The following HACL2 variants were observed in gnomAD, a reference collection of about 807,000 sequenced individuals.
HACL2 encodes the protein 2-hydroxyacyl-CoA lyase 1 like.
chr19:15,121,188 G>A, the HACL2 span, among the ~76,000 whole-genome samples: 12 of 152,354 alleles, frequency 7.9e-5, no homozygotes, highest in East Asian at 7.7e-4. Flanking sequence ...GAACCCGGGA[G>A]GTGGAGGTTG....
chr19:15,119,432 A>T, the HACL2 span: 21 of 1,614,050 alleles, frequency 1.3e-5, no homozygotes, highest in African/African-American at 2.8e-4. Flanking sequence ...GCTTGTCGGC[A>T]GACGTTGGGG....
the HACL2 span, among the ~76,000 whole-genome samples, chr19:15,120,444 C>T: frequency 6.6e-6 from 1 of 152,218 alleles, no homozygotes; most frequent in African/African-American, 2.4e-5. Flanking sequence ...GCTTCCACCT[C>T]TGTCAATGTA....
chr19:15,125,513 C>G, the HACL2 span: 1 of 171,366 alleles, frequency 5.8e-6, no homozygotes, highest in Non-Finnish European at 1.3e-5. Context: ...TTAGCGGGCG[C>G]GACCCTCCAC....
the HACL2 span, chr19:15,117,861 G>A: frequency 1.7e-5 from 28 of 1,613,244 alleles, no homozygotes; most frequent in Non-Finnish European, 2.4e-5. Context: ...ATATGTGTAC[G>A]GGGGGATTAA....
the HACL2 span, chr19:15,117,734 C>A: frequency 1.3e-6 from 1 of 758,764 alleles, no homozygotes. Context: ...GTTTGAGAGC[C>A]AACTATTTGT....
At chr19:15,116,892 G>C in the HACL2 span, 6 of 249,430 alleles carry the variant, frequency 2.4e-5, no homozygotes, top group Non-Finnish European at 3.9e-5. Context: ...CACAGCGAAC[G>C]TTACTGAAGT....
the HACL2 span, among the ~76,000 whole-genome samples, chr19:15,118,551 C>T: frequency 6.6e-6 from 1 of 152,160 alleles, no homozygotes; most frequent in Non-Finnish European, 1.5e-5. Flanking sequence ...ATTGCAAGAC[C>T]TCTGAGTGAA....
At chr19:15,117,909 G>T in the HACL2 span, 1 of 1,614,110 alleles carries the variant, frequency 6.2e-7, no homozygotes, top group Non-Finnish European at 8.5e-7. Context: ...GCTTCCAGAA[G>T]ATGTCTGAGT....
chr19:15,115,220 G>A, the HACL2 span: 4 of 1,613,030 alleles, frequency 2.5e-6, no homozygotes, highest in African/African-American at 5.3e-5. Flanking sequence ...CCAGGGGCAG[G>A]AAGGCAGCCA....
At chr19:15,120,182 A>T in the HACL2 span, 1 of 736,866 alleles carries the variant, frequency 1.4e-6, no homozygotes, top group Admixed American at 2.3e-5. Context: ...AGCCAGGAGC[A>T]AAGTGGCATG....
the HACL2 span, chr19:15,119,031 C>T: frequency 2.0e-6 from 2 of 1,003,792 alleles, no homozygotes; most frequent in Non-Finnish European, 2.8e-6. Flanking sequence ...TGGTTGGGTT[C>T]AAAGCGCTTT....
the HACL2 span, chr19:15,125,142 C>A: frequency 7.2e-7 from 1 of 1,387,098 alleles, no homozygotes; most frequent in South Asian, 1.5e-5. Context: ...CGCCCCTTCT[C>A]GCAGCAGGAT....
chr19:15,115,363 C>G, the HACL2 span: 1 of 1,614,162 alleles, frequency 6.2e-7, no homozygotes, highest in South Asian at 1.1e-5. Flanking sequence ...CCTTGACCAC[C>G]TGATCCTCGT....
the HACL2 span, chr19:15,123,522 C>A: frequency 5.0e-6 from 8 of 1,614,044 alleles, no homozygotes; most frequent in Non-Finnish European, 3.4e-6. This position sits in a 1 kb window ranked among gnomAD's most constrained non-coding sequence, Gnocchi z 5.1. Context: ...ACACCATGGG[C>A]CCTCAGCACA....
chr19:15,119,841 G>A, the HACL2 span: 22 of 624,554 alleles, frequency 3.5e-5, no homozygotes, highest in South Asian at 1.1e-4. Flanking sequence ...GTGAGCCACC[G>A]CGTCCAGCCA....
the HACL2 span, among the ~76,000 whole-genome samples, chr19:15,122,230 T>A: frequency 1.3e-5 from 2 of 152,098 alleles, no homozygotes; most frequent in African/African-American, 4.8e-5. The surrounding 1 kb of genome is among the most constrained non-coding windows in gnomAD (Gnocchi z 4.0). Flanking sequence ...CTTAGCTGTG[T>A]GACTTTGGGC....
the HACL2 span, among the ~76,000 whole-genome samples, chr19:15,122,455 G>A: frequency 1.3e-5 from 2 of 151,920 alleles, no homozygotes; most frequent in African/African-American, 4.8e-5. This position sits in a 1 kb window ranked among gnomAD's most constrained non-coding sequence, Gnocchi z 4.0. Context: ...AGGAGGAGGA[G>A]GGCTGTCCTG....
the HACL2 span, among the ~76,000 whole-genome samples, chr19:15,121,688 A>T: frequency 6.6e-6 from 1 of 150,706 alleles, no homozygotes; most frequent in Non-Finnish European, 1.5e-5. Flanking sequence ...GGGCGCCTGT[A>T]GTCCCAGCTA....
At chr19:15,119,550 T>C in the HACL2 span, 1 of 1,546,312 alleles carries the variant, frequency 6.5e-7, no homozygotes, top group East Asian at 2.3e-5. Context: ...GGGCTGTCTT[T>C]TTATTTATTT....
Sources: allele counts gnomAD v4.1 joint callset (sites outside exome capture counted in the v4.1 genomes callset), GRCh38; gene constraint gnomAD v4.1.1; non-coding constraint Gnocchi (gnomAD v3.1); transcripts MANE v1.5; gene names NCBI Gene and HGNC (gene_info 2026-07-23, HGNC 2026-07-21).